Variants in SEMA6D observed in about 807,000 individuals in gnomAD.
SEMA6D encodes the protein semaphorin 6D, also known as semaphorin-6D.
In SEMA6D, 35 loss-of-function variants were observed where a neutral mutation model predicts 106.6. That is an observed-to-expected ratio of 0.33 (90% CI 0.25 to 0.44). SEMA6D has a LOEUF of 0.44. SEMA6D is among the 20% of genes least tolerant of loss of function. SEMA6D has a pLI of 1.00. For synonymous variants in SEMA6D, 499 were observed against 487.7 expected, an observed-to-expected ratio of 1.02 and a Z score of -0.31; for missense variants, 1,185 against 1,345.9, an observed-to-expected ratio of 0.88 and a Z score of 1.87.
At position 47,308,004 on chromosome 15, in the gene SEMA6D, C is replaced by T. The variant is rs545179308; in HGVS notation, c.-238-104389C>T. 7.4e-5 allele frequency among the ~76,000 whole-genome samples: 11 copies of T among 148,864 alleles called. No individual in the cohort carries two copies. The South Asian group carries it at 2.3e-3, about 32-fold the overall frequency. On this transcript the variant is annotated intron_variant, in intron 1 of 19. Coordinates refer to the SEMA6D transcript ENST00000558014. ...TGGTGATTTTTTACATGTTTGTTGC[C>T]TGCAAAAATTTCAGAATTTGGCCTG...
intron 2 of SEMA6D, among the ~76,000 whole-genome samples, chr15:47,466,506 G>A (rs1157918473): frequency 3.3e-5 from 5 of 152,092 alleles, no homozygotes; most frequent in Admixed American, 6.6e-5. Context: ...TAAGGGCTGA[G>A]TAATATATTC....
chr15:47,741,954 C>CAG (rs1296295110), intron 1 of SEMA6D, among the ~76,000 whole-genome samples: 2 of 152,056 alleles, frequency 1.3e-5, no homozygotes, highest in Non-Finnish European at 2.9e-5. Context: ...GCGAGGAGAG[C>CAG]AGAGAGAGGG....
At chr15:47,235,103 TACA>T (rs2032457636) in intron 1 of SEMA6D, among the ~76,000 whole-genome samples, 1 of 152,030 alleles carries the variant, frequency 6.6e-6, no homozygotes, top group African/African-American at 2.4e-5. Flanking sequence ...AGTGATGTTA[TACA>T]TTTTTCTCAT....
At chr15:47,577,730 GCAGACAGT>G (rs2076181011) in intron 3 of SEMA6D, among the ~76,000 whole-genome samples, 1 of 152,188 alleles carries the variant, frequency 6.6e-6, no homozygotes, top group Non-Finnish European at 1.5e-5. Context: ...CTTACCATTA[GCAGACAGT>G]CTGCCGCTCC....
At chr15:47,285,960 C>G (rs1013953445) in intron 1 of SEMA6D, among the ~76,000 whole-genome samples, 4 of 152,148 alleles carry the variant, frequency 2.6e-5, no homozygotes, top group Non-Finnish European at 5.9e-5. Flanking sequence ...CAAAGGTTCT[C>G]TGATAACTTT....
At position 47,768,586 on chromosome 15, in the gene SEMA6D, G is replaced by C; in HGVS notation, c.1771G>C (p.Glu591Gln). The C allele has an allele frequency of 6.2e-7, 1 of 1,608,938 alleles. No individual in the cohort carries two copies. The highest frequency in any genetic ancestry group is 8.5e-7 in the Non-Finnish European group (1 of 1,176,640). The change falls in exon 18 of 19, where the codon GAG (glutamate) becomes CAG (glutamine). Residue 591 changes from glutamate to glutamine, a missense_variant. Physicochemically the swap from Glu to Gln is conservative, Grantham distance 29 (BLOSUM62 2). Coordinates refer to ENST00000536845, the MANE Select transcript of SEMA6D (RefSeq NM_001358351.3). ...KIFGGPTSDM[E>Q]VSSSSVTTMA... ...AAATCTGTTTGCCACCACAGACATG[G>C]AGGTATCTTCATCTTCTGTTACCAC...
intron 3 of SEMA6D, among the ~76,000 whole-genome samples, chr15:47,549,072 C>T (rs2045608277): frequency 6.6e-6 from 1 of 152,074 alleles, no homozygotes; most frequent in Non-Finnish European, 1.5e-5. Flanking sequence ...GACCTAGGAG[C>T]TGAAAATGAC....
At chr15:47,538,773 A>G (rs1485050408) in intron 3 of SEMA6D, among the ~76,000 whole-genome samples, 2 of 152,222 alleles carry the variant, frequency 1.3e-5, no homozygotes, top group Non-Finnish European at 1.5e-5. Context: ...CTGTCAAAAA[A>G]TCTACATAAA....
intron 2 of SEMA6D, among the ~76,000 whole-genome samples, chr15:47,463,979 G>T (rs543985195): frequency 1.3e-5 from 2 of 152,222 alleles, no homozygotes; most frequent in African/African-American, 4.8e-5. Flanking sequence ...GACTCCCTCT[G>T]CCTCTCTCTC....
At chr15:47,382,029 T>C (rs1438881874) in intron 1 of SEMA6D, among the ~76,000 whole-genome samples, 1 of 152,174 alleles carries the variant, frequency 6.6e-6, no homozygotes, top group Admixed American at 6.5e-5. Context: ...GCATTTTGCT[T>C]TTCTTCTTGG....
intron 1 of SEMA6D, among the ~76,000 whole-genome samples, chr15:47,735,373 T>C (rs1240199338): frequency 6.6e-6 from 1 of 152,164 alleles, no homozygotes; most frequent in Non-Finnish European, 1.5e-5. Flanking sequence ...CTAAACACAG[T>C]GAGTCTGTAT....
At chr15:47,531,384 T>A (rs1345441288) in intron 3 of SEMA6D, among the ~76,000 whole-genome samples, 1 of 152,246 alleles carries the variant, frequency 6.6e-6, no homozygotes, top group African/African-American at 2.4e-5. Context: ...AAACAAATTA[T>A]ATTTGGTCTT....
At chr15:47,692,508 A>G (rs2078610309) in intron 4 of SEMA6D, among the ~76,000 whole-genome samples, 1 of 152,146 alleles carries the variant, frequency 6.6e-6, no homozygotes, top group Non-Finnish European at 1.5e-5. Context: ...CAAACATAGA[A>G]TCCCTTCAGC....
At chr15:47,430,575 T>C (rs2041490156) in intron 2 of SEMA6D, among the ~76,000 whole-genome samples, 2 of 152,044 alleles carry the variant, frequency 1.3e-5, no homozygotes, top group Admixed American at 1.3e-4. Context: ...GTCACATTGT[T>C]CAGTGTCTGC....
chr15:47,536,351 T>C (rs531274556), intron 3 of SEMA6D, among the ~76,000 whole-genome samples: 1 of 152,290 alleles, frequency 6.6e-6, no homozygotes, highest in Admixed American at 6.5e-5. Flanking sequence ...ACATAGGGAT[T>C]CCAAATGCTA....
intron 1 of SEMA6D, among the ~76,000 whole-genome samples, chr15:47,385,644 A>G (rs2039809095): frequency 6.6e-6 from 1 of 152,080 alleles, no homozygotes; most frequent in African/African-American, 2.4e-5. Flanking sequence ...CCCAAGAAAA[A>G]GACTCATGTA....
chr15:47,478,203 T>A (rs1048016230), intron 3 of SEMA6D, among the ~76,000 whole-genome samples: 31 of 152,322 alleles, frequency 2.0e-4, no homozygotes, highest in Admixed American at 1.8e-3. Flanking sequence ...TTATCCTTTA[T>A]TTTTCACTTT....
chr15:47,617,611 A>T (rs1376824978), intron 4 of SEMA6D, among the ~76,000 whole-genome samples: 2 of 152,128 alleles, frequency 1.3e-5, no homozygotes, highest in East Asian at 3.9e-4. Context: ...GTTGTAGAAC[A>T]TTCTCTCTTT....
chr15:47,539,509 C>T (rs2045288855), intron 3 of SEMA6D, among the ~76,000 whole-genome samples: 1 of 152,128 alleles, frequency 6.6e-6, no homozygotes. Context: ...ACTGCAACCT[C>T]TGCCTCCTGG....
Sources: allele counts gnomAD v4.1 joint callset (sites outside exome capture counted in the v4.1 genomes callset), GRCh38; gene constraint gnomAD v4.1.1; transcripts MANE v1.5; gene names NCBI Gene and HGNC (gene_info 2026-07-23, HGNC 2026-07-21).